RAB6B: variants seen among roughly 807,000 people sequenced by gnomAD.
RAB6B encodes the protein RAB6B, member RAS oncogene family.
RAB6B carries 7 observed loss-of-function variants against 31.2 expected under a neutral mutation model. That is an observed-to-expected ratio of 0.22 (90% CI 0.13 to 0.42). RAB6B has a LOEUF of 0.42. RAB6B is among the 10% of genes least tolerant of loss of function. The pLI is 1.00. For missense variants in RAB6B, 149 were observed against 280.6 expected, an observed-to-expected ratio of 0.53 and a Z score of 3.35; for synonymous variants, 105 against 104.9, an observed-to-expected ratio of 1.00 and a Z score of -0.01.
intron 2 of RAB6B, among the ~76,000 whole-genome samples, chr3:133,858,868 A>AT (rs1214726043): frequency 6.6e-6 from 1 of 152,110 alleles, no homozygotes; most frequent in Non-Finnish European, 1.5e-5. Context: ...TTAGTACTGC[A>AT]TTTTTTTAAC....
At chr3:133,864,732 C>T (rs1936211369) in intron 1 of RAB6B, 90 bp from the exon 2 acceptor site, 1 of 1,308,132 alleles carries the variant, frequency 7.6e-7, no homozygotes, top group African/African-American at 1.5e-5. Flanking sequence ...GATAACAAAA[C>T]CAAAAAGCAC....
At chr3:133,878,779 G>C (rs923171464) in intron 1 of RAB6B, among the ~76,000 whole-genome samples, 7 of 152,216 alleles carry the variant, frequency 4.6e-5, no homozygotes, top group Non-Finnish European at 1.0e-4. Flanking sequence ...GGAAGAAAAT[G>C]AAGTGCCACC....
Position 133,889,388 on chromosome 3 carries a change from TTATATA to T in RAB6B, c.70+6003_70+6008del, listed in dbSNP as rs5852771. On this transcript the variant is annotated intron_variant, in intron 1 of 7. Transcript: ENST00000285208. ...ACAAAAGGACAATAAGGTTATTTTGTTATATATATATATATATATATATATATATAT... is the reference window on the plus strand; with the variant it reads ...ACAAAAGGACAATAAGGTTATTTTGTTATATATATATATATATATATATAT... 2.7e-3 allele frequency among the ~76,000 whole-genome samples: 219 copies of T among 80,040 alleles called. 2 individuals carry two copies. Among genetic ancestry groups the T allele is most frequent in the Admixed American group, 3.7e-3 (27 of 7,246 alleles). 52.5% of individuals were successfully genotyped at this position (80,040 alleles called of 152,430 possible).
At chr3:133,886,441 T>C (rs1235367142) in intron 1 of RAB6B, among the ~76,000 whole-genome samples, 1 of 152,194 alleles carries the variant, frequency 6.6e-6, no homozygotes, top group Non-Finnish European at 1.5e-5. Context: ...CTGAGCTCCT[T>C]ACAGGAAGTA....
At chr3:133,858,915 A>G (rs559662491) in intron 2 of RAB6B, among the ~76,000 whole-genome samples, 3 of 152,322 alleles carry the variant, frequency 2.0e-5, no homozygotes, top group African/African-American at 4.8e-5. Flanking sequence ...CCCCTGTATC[A>G]TCTAGACCAG....
chr3:133,876,254 G>T (rs1936395739), intron 1 of RAB6B, among the ~76,000 whole-genome samples: 1 of 152,034 alleles, frequency 6.6e-6, no homozygotes, highest in African/African-American at 2.4e-5. Context: ...TAAATTCAGG[G>T]GCAGCCATGA....
chr3:133,838,534 T>C (rs558459905), intron 5 of RAB6B, among the ~76,000 whole-genome samples: 11 of 152,320 alleles, frequency 7.2e-5, no homozygotes, highest in African/African-American at 2.6e-4. Context: ...GGCTGCCCCA[T>C]ACCTGCCTTT....
Position 133,827,814 on chromosome 3 carries a change from A to G in RAB6B, c.*974T>C. 1 of 384,832 alleles carries G rather than the reference A, an allele frequency of 2.6e-6. No individual in the cohort carries two copies. The highest frequency in any genetic ancestry group is 5.2e-6 in the Non-Finnish European group (1 of 193,556). 23.8% of individuals were successfully genotyped at this position (384,832 alleles called of 1,614,324 possible). ...AGGTGGTCCAGCTTCCCTGACATCCAGGAGGAAGGCTTCAGGATGGCACAC... is the reference window on the plus strand; with the variant it reads ...AGGTGGTCCAGCTTCCCTGACATCCGGGAGGAAGGCTTCAGGATGGCACAC... On this transcript the variant is annotated 3_prime_UTR_variant, in exon 8 of 8. Coordinates refer to ENST00000285208, the MANE Select transcript of RAB6B (RefSeq NM_016577.4).
At chr3:133,877,589 CA>C (rs1270206978) in intron 1 of RAB6B, among the ~76,000 whole-genome samples, 1 of 151,966 alleles carries the variant, frequency 6.6e-6, no homozygotes, top group East Asian at 1.9e-4. Flanking sequence ...GCAAAAATCA[CA>C]ATGTCTGGTA....
At chr3:133,881,389 G>A (rs1422767569) in intron 1 of RAB6B, among the ~76,000 whole-genome samples, 2 of 152,216 alleles carry the variant, frequency 1.3e-5, no homozygotes, top group East Asian at 1.9e-4. Context: ...CTTGACCTCA[G>A]AGACTGCTCT....
chr3:133,889,180 A>T (rs1936594765), intron 1 of RAB6B, among the ~76,000 whole-genome samples: 1 of 151,740 alleles, frequency 6.6e-6, no homozygotes, highest in African/African-American at 2.4e-5. Context: ...CTACACATTC[A>T]ATGGCCGATG....
chr3:133,843,915 A>G (rs1935872307), intron 2 of RAB6B, among the ~76,000 whole-genome samples: 1 of 152,204 alleles, frequency 6.6e-6, no homozygotes, highest in Non-Finnish European at 1.5e-5. Flanking sequence ...GAGCTACTTC[A>G]GCAGCGCTGG....
rs528749427 is a variant in RAB6B, at chr3:133,875,061, T to C, written c.71-10419A>G. On this transcript the variant is annotated intron_variant, in intron 1 of 7. Transcript: ENST00000285208. ...CTTTTTAAAAAAAGTGAGTAGAAGG[T>C]GTACACTCTAAACATAACAACATAA... Among the ~76,000 whole-genome samples, 3 of 152,292 alleles carry C rather than the reference T, an allele frequency of 2.0e-5. No homozygotes were observed. The South Asian group carries it at 6.2e-4, about 32-fold the overall frequency.
intron 1 of RAB6B, among the ~76,000 whole-genome samples, chr3:133,894,121 C>A (rs1389730167): frequency 1.3e-5 from 2 of 152,222 alleles, no homozygotes; most frequent in East Asian, 1.9e-4. Context: ...TTCCTGGGCC[C>A]ACCCAGTCCT....
At chr3:133,870,731 G>GA (rs1321381000) in intron 1 of RAB6B, among the ~76,000 whole-genome samples, 2 of 152,198 alleles carry the variant, frequency 1.3e-5, no homozygotes, top group African/African-American at 4.8e-5. Flanking sequence ...ACTGCATTCA[G>GA]AAAAAACAAT....
chr3:133,878,549 CAGGAAGA>C (rs1936427045), intron 1 of RAB6B, among the ~76,000 whole-genome samples: 1 of 152,138 alleles, frequency 6.6e-6, no homozygotes, highest in Admixed American at 6.6e-5. Flanking sequence ...GAAAGTCCTT[CAGGAAGA>C]AGTGAAATGA....
At chr3:133,878,769 G>A (rs373402366) in intron 1 of RAB6B, among the ~76,000 whole-genome samples, 37 of 152,250 alleles carry the variant, frequency 2.4e-4, no homozygotes, top group Admixed American at 5.9e-4. Flanking sequence ...TATGCAAACC[G>A]GAAGAAAATG....
chr3:133,831,619 C>T (rs527653593), intron 7 of RAB6B, among the ~76,000 whole-genome samples: 19 of 152,266 alleles, frequency 1.2e-4, no homozygotes, highest in Middle Eastern at 3.4e-3. Context: ...AGGGGCTGCC[C>T]GCTGATTGAG....
chr3:133,886,721 A>G lies in RAB6B; in HGVS notation c.70+8676T>C, dbSNP rs1021111299. 3.3e-5 allele frequency among the ~76,000 whole-genome samples: 5 copies of G among 152,226 alleles called. No individual in the cohort carries two copies. In the South Asian group the frequency reaches 1.0e-3, roughly 32 times the overall value. On this transcript the variant is annotated intron_variant, in intron 1 of 7. Transcript: ENST00000285208. ...CCCCACAGTTCACAATACAGAAATG[A>G]TCAATGATTCTCAAAATCTCGCACC...
Sources: allele counts gnomAD v4.1 joint callset (sites outside exome capture counted in the v4.1 genomes callset), GRCh38; gene constraint gnomAD v4.1.1; transcripts MANE v1.5; gene names NCBI Gene and HGNC (gene_info 2026-07-23, HGNC 2026-07-21).